The following RASAL3 variants were observed in gnomAD, a reference collection of about 807,000 sequenced individuals.
The protein encoded by RASAL3 is RAS protein activator like 3.
RASAL3 carries 74 observed loss-of-function variants against 105.5 expected under a neutral mutation model. The observed-to-expected ratio is 0.70, with a 90% CI of 0.58 to 0.85. The LOEUF (loss-of-function observed/expected upper bound fraction) is 0.85. RASAL3 is among the 40% of genes least tolerant of loss of function. The probability of loss-of-function intolerance (pLI) is 0.00; values close to 1 mark genes in which losing one functional copy is unlikely to be tolerated. For missense variants in RASAL3, 1,352 were observed against 1,392.0 expected (o/e 0.97, Z 0.46); for synonymous variants, 579 against 591.6 (o/e 0.98, Z 0.31).
At position 15,461,514 on chromosome 19, in the gene RASAL3, G is replaced by C. The variant is rs374597735; in HGVS notation, c.422C>G (p.Thr141Ser). 1.3e-6 allele frequency: 2 copies of C among 1,545,046 alleles called. No homozygotes were observed. ...CAGCACCAGCTTCCCATCAAGCAGG[G>C]TGAAGCCCCCAATGTCCCAGACAGG... ...NVPVWDIGGF[T>S]LLDGKLVLLG... Residue 141 changes from threonine to serine, a missense_variant, in exon 3 of 18, where the codon ACC (threonine) becomes AGC (serine). Transcript: ENST00000343625.
chr19:15,454,650 C>G lies in RASAL3; in HGVS notation c.1958+7G>C, dbSNP rs759652436. 1 of 1,610,154 alleles carries G rather than the reference C, an allele frequency of 6.2e-7. No homozygotes were observed. The highest frequency in any genetic ancestry group is 8.5e-7 in the Non-Finnish European group (1 of 1,177,226). ...GGTCCCCCCACCCCTAGCTTCCCAG[C>G]ACCTACGGGGCACGGTTGGCGAGGT... On this transcript the variant is annotated splice_region_variant and intron_variant, in intron 12 of 17. Coordinates refer to ENST00000343625, the MANE Select transcript of RASAL3 (RefSeq NM_022904.3).
chr19:15,461,617 A>T lies in RASAL3; in HGVS notation c.329-10T>A, dbSNP rs1238315520. 5.3e-6 allele frequency: 8 copies of T among 1,520,258 alleles called. No individual in the cohort carries two copies. Among genetic ancestry groups the T allele is most frequent in the Non-Finnish European group, 7.0e-6 (8 of 1,138,748 alleles). The allele number at this position is 1,520,258 out of a possible 1,614,324, so 94.2% of individuals were successfully genotyped here. On this transcript the variant is annotated splice_polypyrimidine_tract_variant and intron_variant, in intron 2 of 17. Coordinates refer to ENST00000343625, the MANE Select transcript of RASAL3 (RefSeq NM_022904.3). ...GGCTCCGGCTCCAGCTCTGGGAAGA[A>T]GAGGAGGCACTGGGGGACTTAAGAG...
chr19:15,453,355 G>GAGA lies in RASAL3; in HGVS notation c.2421_2422insTCT (p.Pro807_Leu808insSer). ...CGCTGCACCGGCCGGGGCCGCCGCA[G>GAGA]GGGCCGCTCTTCGTCCGGCCGTGGC... On this transcript the variant is annotated inframe_insertion, in exon 15 of 18. Coordinates refer to ENST00000343625, the MANE Select transcript of RASAL3 (RefSeq NM_022904.3). This position sits in a 1 kb window ranked among gnomAD's most constrained non-coding sequence, Gnocchi z 4.2. 7.0e-7 allele frequency: 1 copy of GAGA among 1,433,848 alleles called. No homozygotes were observed. Among genetic ancestry groups the GAGA allele is most frequent in the South Asian group, 1.4e-5 (1 of 69,220 alleles). The allele number at this position is 1,433,848 out of a possible 1,614,324, so 88.8% of individuals were successfully genotyped here. A position where few individuals can be genotyped will look rare whatever the true frequency, so the allele number is the denominator to read the frequency against.
chr19:15,453,601 C>CTTT lies in RASAL3; in HGVS notation c.2280-107_2280-105dup, dbSNP rs533308440. 1.3e-5 allele frequency: 13 copies of CTTT among 966,888 alleles called. No individual in the cohort carries two copies. Among genetic ancestry groups the CTTT allele is most frequent in the African/African-American group, 3.6e-5 (2 of 55,406 alleles). The allele number at this position is 966,888 out of a possible 1,614,324, so 59.9% of individuals were successfully genotyped here. ...CACCCCCCACGTGAACTTGTCCTTT[C>CTTT]TTTTTTTTTTTTGAGACAAGGTCTT... On this transcript the variant is annotated intron_variant, in intron 14 of 17. Coordinates refer to ENST00000343625, the MANE Select transcript of RASAL3 (RefSeq NM_022904.3). This position sits in a 1 kb window ranked among gnomAD's most constrained non-coding sequence, Gnocchi z 4.2.
chr19:15,461,543 G>A lies in RASAL3; in HGVS notation c.393C>T (p.Asn131=), dbSNP rs926335796. 2.4e-5 allele frequency: 37 copies of A among 1,536,536 alleles called. No homozygotes were observed. The highest frequency in any genetic ancestry group is 1.7e-4 in the Middle Eastern group (1 of 5,886). ...AGCCCCCAATGTCCCAGACAGGCAC[G>A]TTGGGTGTGGGGGCCTCAGGGATCT... ...TPQIPEAPTP[N]VPVWDIGGFT... Residue 131 remains asparagine, a synonymous_variant, in exon 3 of 18, where the codon AAC becomes AAT. Transcript: ENST00000343625.
At chr19:15,460,070 A>G in intron 6 of RASAL3, 133 bp downstream of exon 6, 1 of 731,576 alleles carries the variant, frequency 1.4e-6, no homozygotes, top group East Asian at 2.7e-5. Flanking sequence ...CAATGTCCCC[A>G]GCATCAACTG....
In RASAL3 at chr19:15,453,507, G is replaced by C; in HGVS notation, c.2280-10C>G. The stretch of plus-strand genomic sequence containing the variant: ...CTCCCCTGCGGAGAGGCTAGGGGTG[G>C]GATGGAGGATCTTAGACCCTCCACT... On this transcript the variant is annotated splice_polypyrimidine_tract_variant and intron_variant, in intron 14 of 17. Transcript: ENST00000343625. The surrounding 1 kb of genome is among the most constrained non-coding windows in gnomAD (Gnocchi z 4.2). 1 of 1,512,728 alleles carries C rather than the reference G, an allele frequency of 6.6e-7. No individual in the cohort carries two copies. Among genetic ancestry groups the C allele is most frequent in the South Asian group, 1.3e-5 (1 of 78,758 alleles). 93.7% of individuals were successfully genotyped at this position (1,512,728 alleles called of 1,614,324 possible).
At chr19:15,460,124 A>G in intron 6 of RASAL3, 79 bp downstream of exon 6, 1 of 1,229,424 alleles carries the variant, frequency 8.1e-7, no homozygotes, top group Non-Finnish European at 1.2e-6. Flanking sequence ...TTTGGTGTAG[A>G]TTGGAATGAT....
rs752015844 is a variant in RASAL3 at position 15,454,669 on chromosome 19, G to T, written c.1946C>A (p.Ala649Asp). ...TLIAKVIQNLANRAPFGEKEA... is the reference protein window; with the variant it reads ...TLIAKVIQNLDNRAPFGEKEA... ...TCCCAGCACCTACGGGGCACGGTTG[G>T]CGAGGTTCTGGATGACCTTGGCAAT... Residue 649 changes from alanine (A) to aspartate (D), a missense_variant, in exon 12 of 18, where the codon GCC (alanine) becomes GAC (aspartate). Around this residue, in one of 3 missense-constraint regions of RASAL3, gnomAD observed 920 missense variants for 919.6 expected, o/e 1.00. Transcript: ENST00000343625. 2.4e-5 allele frequency: 39 copies of T among 1,609,444 alleles called. No individual in the cohort carries two copies. Among genetic ancestry groups the T allele is most frequent in the Non-Finnish European group, 3.2e-5 (38 of 1,176,754 alleles).
intron 15 of RASAL3, 80 bp from the exon 16 acceptor site, chr19:15,452,895 A>G (rs1970203729): frequency 1.4e-6 from 2 of 1,472,092 alleles, no homozygotes; most frequent in Non-Finnish European, 1.8e-6. Flanking sequence ...CCCAGGCCCA[A>G]GCGCTCAGCG....
intron 2 of RASAL3, among the ~76,000 whole-genome samples, chr19:15,463,549 A>C (rs1452432297): frequency 2.0e-5 from 3 of 152,218 alleles, no homozygotes; most frequent in Non-Finnish European, 4.4e-5. Context: ...CCTCTGCTTG[A>C]ATAAATGAAT....
intron 12 of RASAL3, 21 bp downstream of exon 12, chr19:15,454,636 C>T (rs747187200): frequency 3.7e-6 from 6 of 1,610,702 alleles, no homozygotes; most frequent in African/African-American, 2.7e-5. Context: ...GTCCCCCCAC[C>T]CCTAGCTTCC....
chr19:15,463,800 T>G (rs530231931), intron 2 of RASAL3, among the ~76,000 whole-genome samples: 1 of 152,256 alleles, frequency 6.6e-6, no homozygotes, highest in East Asian at 1.9e-4. Flanking sequence ...CGGGTTTACA[T>G]TCACTGTTCC....
chr19:15,461,228 G>C lies in RASAL3; in HGVS notation c.534C>G (p.Phe178Leu). 6.2e-7 allele frequency: 1 copy of C among 1,613,900 alleles called. No homozygotes were observed. Among genetic ancestry groups the C allele is most frequent in the Non-Finnish European group, 8.5e-7 (1 of 1,179,870 alleles). Residue 178 changes from phenylalanine to leucine, a missense_variant, in exon 4 of 18, where the codon TTC (phenylalanine) becomes TTG (leucine). Physicochemically the swap from Phe to Leu is conservative, Grantham distance 22. Around this residue, in one of 3 missense-constraint regions of RASAL3, gnomAD observed 344 missense variants for 339.6 expected, o/e 1.01. Transcript: ENST00000343625. ...EGSIHVAMGN[F>L]RDPDRMPGKT... The stretch of plus-strand genomic sequence containing the variant: ...ACCCCTCAAGCTTACCTGGATCCCT[G>C]AAGTTCCCCATGGCCACGTGGATGC...
At chr19:15,454,292 C>A in intron 13 of RASAL3, 25 bp from the exon 14 acceptor site, 1 of 1,564,728 alleles carries the variant, frequency 6.4e-7, no homozygotes, top group Middle Eastern at 1.7e-4. Context: ...AGGACAGAGA[C>A]TGAGCAAAGT....
chr19:15,456,427 C>A lies in RASAL3; in HGVS notation c.1576+75G>T. 1.9e-6 allele frequency: 3 copies of A among 1,580,624 alleles called. No homozygotes were observed. Among genetic ancestry groups the A allele is most frequent in the South Asian group, 2.3e-5 (2 of 87,856 alleles). On this transcript the variant is annotated intron_variant, in intron 10 of 17. Coordinates refer to ENST00000343625, the MANE Select transcript of RASAL3 (RefSeq NM_022904.3). This position sits in a 1 kb window ranked among gnomAD's most constrained non-coding sequence, Gnocchi z 4.4. ...ACTCACTACCAGAATCCAGGTTGCT[C>A]AAGGACTCTTAGAACTTCACCCAGG...
At chr19:15,462,829 T>C (rs1297819807) in intron 2 of RASAL3, among the ~76,000 whole-genome samples, 1 of 151,594 alleles carries the variant, frequency 6.6e-6, no homozygotes, top group African/African-American at 2.4e-5. Flanking sequence ...CGGGTTCCTG[T>C]AGTCCCAGCT....
At position 15,451,838 on chromosome 19, in the gene RASAL3, G is replaced by T. The variant is rs201866014; in HGVS notation, c.2993C>A (p.Pro998His). 3 of 1,606,634 alleles carry T rather than the reference G, an allele frequency of 1.9e-6. No homozygotes were observed. In the East Asian group the frequency reaches 6.7e-5, roughly 36 times the overall value. ...GAGGCAGGGTGCTTTGAGGGGCTGG[G>T]GTTGACTCCAAGACCCCCGCGTCCT... ...SPRTRGSWSQ[P>H]QPLKAPCLNG... The change falls in exon 18 of 18, where the codon CCC (proline) becomes CAC (histidine). Residue 998 changes from proline (P) to histidine (H), a missense_variant. By Grantham distance (77) the Pro-to-His change is moderately conservative. Coordinates refer to ENST00000343625, the MANE Select transcript of RASAL3 (RefSeq NM_022904.3).
intron 16 of RASAL3, 105 bp downstream of exon 16, chr19:15,452,552 GC>G: frequency 9.7e-7 from 1 of 1,026,012 alleles, no homozygotes; most frequent in Non-Finnish European, 1.4e-6. Context: ...CCAGGGTGGG[GC>G]TTGGCCGTGC....
Sources: allele counts gnomAD v4.1 joint callset (sites outside exome capture counted in the v4.1 genomes callset), GRCh38; gene constraint gnomAD v4.1.1; regional missense constraint gnomAD v4.1.1; non-coding constraint Gnocchi (gnomAD v3.1); transcripts MANE v1.5; gene names NCBI Gene and HGNC (gene_info 2026-07-23, HGNC 2026-07-21).